Variants in CAPRIN2 observed in about 807,000 individuals in gnomAD.
CAPRIN2 encodes the protein caprin family member 2, also known as caprin-2.
CAPRIN2 carries 66 observed loss-of-function variants against 130.4 expected under a neutral mutation model. The observed-to-expected ratio is 0.51, with a 90% CI of 0.42 to 0.62. The LOEUF (loss-of-function observed/expected upper bound fraction) is 0.62, where lower values mean the gene tolerates loss of function less well. CAPRIN2 is among the 20% of genes least tolerant of loss of function. CAPRIN2 has a pLI of 0.00. For synonymous variants in CAPRIN2, 471 were observed against 444.1 expected (o/e 1.06, Z -0.76); for missense variants, 1,185 against 1,246.6 (o/e 0.95, Z 0.74).
At chr12:30,733,360 C>A (rs2063385560) in intron 5 of CAPRIN2, among the ~76,000 whole-genome samples, 1 of 152,116 alleles carries the variant, frequency 6.6e-6, no homozygotes, top group Non-Finnish European at 1.5e-5. Context: ...AATGATCAAG[C>A]TAGTGTTGAA....
At chr12:30,728,415 T>C (rs6487935) in intron 8 of CAPRIN2, 128,843 of 417,854 alleles carry the variant, frequency 0.31, 20,495 homozygotes, top group Middle Eastern at 0.35. Flanking sequence ...ATTAGCCAGG[T>C]GTGGTGGCAT....
At chr12:30,729,547 T>C (rs1364028615) in intron 7 of CAPRIN2, among the ~76,000 whole-genome samples, 1 of 152,202 alleles carries the variant, frequency 6.6e-6, no homozygotes, top group Non-Finnish European at 1.5e-5. Context: ...CAGACTTCGA[T>C]ACATCAAAAG....
In CAPRIN2 at chr12:30,713,812, C is replaced by T. The variant is rs531341497; in HGVS notation, c.2574G>A (p.Glu858=). The T allele has an allele frequency of 6.2e-6, 10 of 1,609,050 alleles. No individual in the cohort carries two copies. The South Asian group carries it at 8.8e-5, about 14-fold the overall frequency. Residue 858 remains glutamate (E), a synonymous_variant, in exon 15 of 17, where the codon GAG becomes GAA. Transcript: ENST00000298892. ...TTTGGGAATAAGGTGCTCCAGAATA[C>T]TCTCTAGCTTGGAACTGCAGCTGGC...
intron 12 of CAPRIN2, among the ~76,000 whole-genome samples, chr12:30,717,026 G>GTATGC (rs1385676568): frequency 6.6e-6 from 1 of 152,186 alleles, no homozygotes; most frequent in Non-Finnish European, 1.5e-5. Flanking sequence ...GTGGAAAACA[G>GTATGC]TATGCTGCCT....
chr12:30,744,861 G>A (rs1364267975), intron 2 of CAPRIN2, among the ~76,000 whole-genome samples: 1 of 152,106 alleles, frequency 6.6e-6, no homozygotes, highest in Non-Finnish European at 1.5e-5. Context: ...ATGAATAAAA[G>A]ATAGTTCAGA....
At chr12:30,716,966 T>C (rs559761276) in intron 12 of CAPRIN2, among the ~76,000 whole-genome samples, 20 of 152,326 alleles carry the variant, frequency 1.3e-4, no homozygotes, top group African/African-American at 4.8e-4. Flanking sequence ...GCGGAGGAAC[T>C]GGAACCCTCA....
intron 1 of CAPRIN2, 184 bp from the exon 3 acceptor site, chr12:30,751,317 C>T (rs557057783): frequency 6.9e-6 from 4 of 583,362 alleles, no homozygotes; most frequent in Admixed American, 5.8e-5. Context: ...AGAAAAAATA[C>T]ACAGAATCAC....
At position 30,725,940 on chromosome 12, in the gene CAPRIN2, T is replaced by C. The variant is rs376035948; in HGVS notation, c.1905+26A>G. 1.5e-4 allele frequency: 235 copies of C among 1,528,382 alleles called. No homozygotes were observed. The African/African-American group carries it at 2.8e-3, about 18-fold the overall frequency. 94.7% of individuals were successfully genotyped at this position (1,528,382 alleles called of 1,614,324 possible). On this transcript the variant is annotated intron_variant, in intron 9 of 16. Coordinates refer to ENST00000298892, the Ensembl canonical transcript of CAPRIN2. ...CCAGTCAGAAGCCCCATGAATATCA[T>C]TTAAGATTTTGTAAATGACTCATAC... is the stretch of plus-strand genomic sequence containing the variant.
intron 2 of CAPRIN2, among the ~76,000 whole-genome samples, chr12:30,750,480 CATT>C (rs2073192352): frequency 6.6e-6 from 1 of 151,790 alleles, no homozygotes; most frequent in East Asian, 1.9e-4. Flanking sequence ...CCAGGTATAT[CATT>C]GAGAAGTTAA....
chr12:30,723,238 A>AAGATTAATT (rs1384884666), intron 11 of CAPRIN2, 21 bp downstream of exon 12: 3 of 1,560,438 alleles, frequency 1.9e-6, no homozygotes, highest in Non-Finnish European at 2.6e-6. Flanking sequence ...CAAAGAATAA[A>AAGATTAATT]AGATTAATTT....
At chr12:30,721,017 A>G in intron 11 of CAPRIN2, 102 bp from the exon 13 acceptor site, 1 of 758,590 alleles carries the variant, frequency 1.3e-6, no homozygotes. Flanking sequence ...CTGAACACGC[A>G]CATGTGTCAA....
exon 1 of CAPRIN2, chr12:30,753,618 G>A (rs745348419): frequency 5.0e-6 from 8 of 1,614,174 alleles, no homozygotes; most frequent in South Asian, 4.4e-5. Flanking sequence ...GGCTGAAGGA[G>A]GTGGGGGAAA....
intron 14 of CAPRIN2, 63 bp downstream of exon 16, chr12:30,714,896 T>C: frequency 7.4e-7 from 1 of 1,350,096 alleles, no homozygotes; most frequent in East Asian, 2.3e-5. Context: ...GTAAAAATGG[T>C]GTGAGTCAAG....
At chr12:30,746,822 C>T (rs2070726839) in intron 2 of CAPRIN2, among the ~76,000 whole-genome samples, 1 of 152,212 alleles carries the variant, frequency 6.6e-6, no homozygotes, top group Admixed American at 6.5e-5. Context: ...GATGAAGCAA[C>T]AAGTGCTAAT....
intron 4 of CAPRIN2, among the ~76,000 whole-genome samples, chr12:30,734,060 T>C (rs764939653): frequency 6.6e-6 from 1 of 152,198 alleles, no homozygotes; most frequent in Non-Finnish European, 1.5e-5. Context: ...AGAGCCGCAT[T>C]TGACTTTAAA....
exon 8 of CAPRIN2, chr12:30,729,240 T>G: frequency 6.2e-7 from 1 of 1,612,860 alleles, no homozygotes; most frequent in Non-Finnish European, 8.5e-7. Flanking sequence ...GAGATTTGGT[T>G]TTCTAGCATA....
At chr12:30,714,146 G>A (rs2056532994) in intron 14 of CAPRIN2, among the ~76,000 whole-genome samples, 1 of 152,128 alleles carries the variant, frequency 6.6e-6, no homozygotes, top group South Asian at 2.1e-4. Context: ...TGGTAGGGCA[G>A]TTAGGTACTT....
chr12:30,720,037 C>T (rs2058890331), intron 12 of CAPRIN2: 1 of 152,172 alleles, frequency 6.6e-6, no homozygotes, highest in Non-Finnish European at 1.5e-5. Flanking sequence ...TTAGTAAAAA[C>T]TGTAACTTAG....
chr12:30,748,196 T>G (rs756326632), intron 2 of CAPRIN2, among the ~76,000 whole-genome samples: 4 of 152,176 alleles, frequency 2.6e-5, no homozygotes, highest in Non-Finnish European at 5.9e-5. Flanking sequence ...TTGAAAAAAG[T>G]CCTACTGTGG....
Sources: allele counts gnomAD v4.1 joint callset (sites outside exome capture counted in the v4.1 genomes callset), GRCh38; gene constraint gnomAD v4.1.1; transcripts MANE v1.5; gene names NCBI Gene and HGNC (gene_info 2026-07-23, HGNC 2026-07-21).